The following CC2D2A variants were observed in gnomAD, a reference collection of about 807,000 sequenced individuals.
The protein encoded by CC2D2A is coiled-coil and C2 domain containing 2A.
In CC2D2A, 155 loss-of-function variants were observed where a neutral mutation model predicts 212.9. The ratio of observed to expected loss-of-function variants is 0.73; its 90% CI spans 0.64 to 0.83. CC2D2A has a LOEUF of 0.83. Among genes scored for constraint, CC2D2A ranks in the 40% least tolerant of loss-of-function variants. CC2D2A has a pLI of 0.00. For missense variants in CC2D2A, 1,856 were observed against 1,956.2 expected (o/e 0.95, Z 0.97); for synonymous variants, 667 against 686.5 (o/e 0.97, Z 0.44).
intron 33 of CC2D2A, among the ~76,000 whole-genome samples, chr4:15,593,619 G>A (rs1318411699): frequency 6.6e-6 from 1 of 152,144 alleles, no homozygotes; most frequent in African/African-American, 2.4e-5. Flanking sequence ...CCCCTTTGCA[G>A]TCTTTCCCAT....
intron 11 of CC2D2A, chr4:15,519,653 GAAGAC>G (rs1191960899): frequency 2.3e-6 from 1 of 430,426 alleles, no homozygotes; most frequent in Non-Finnish European, 4.6e-6. Context: ...AATCATGGTG[GAAGAC>G]AAGGAGGAGC....
chr4:15,505,067 TTAAA>T (rs1716181206), intron 6 of CC2D2A, among the ~76,000 whole-genome samples: 1 of 152,144 alleles, frequency 6.6e-6, no homozygotes, highest in African/African-American at 2.4e-5. Context: ...GTTTTGAGGA[TTAAA>T]TGAGTGAATA....
At chr4:15,599,470 C>T (rs971639064) in intron 35 of CC2D2A, 59 bp from the exon 36 acceptor site, 1 of 1,170,430 alleles carries the variant, frequency 8.5e-7, no homozygotes, top group South Asian at 1.6e-5. Context: ...ATACTACATA[C>T]ATTTTTTAAC....
chr4:15,518,823 G>A (rs969279966), intron 11 of CC2D2A, among the ~76,000 whole-genome samples: 1 of 152,210 alleles, frequency 6.6e-6, no homozygotes, highest in African/African-American at 2.4e-5. Flanking sequence ...CTGGGACACA[G>A]GGCATCAAGT....
chr4:15,478,425 G>T (rs979947151), intron 2 of CC2D2A, among the ~76,000 whole-genome samples: 2 of 152,216 alleles, frequency 1.3e-5, no homozygotes. Flanking sequence ...TGTCCCAAGA[G>T]CATGGAACAT....
intron 29 of CC2D2A, among the ~76,000 whole-genome samples, chr4:15,576,907 A>G (rs1326861980): frequency 1.3e-5 from 2 of 152,234 alleles, no homozygotes; most frequent in Non-Finnish European, 2.9e-5. Flanking sequence ...TTGCAAATCT[A>G]TAAAACCCAC....
chr4:15,599,794 A>T, intron 36 of CC2D2A, 88 bp downstream of exon 36: 2 of 1,013,182 alleles, frequency 2.0e-6, no homozygotes, highest in Non-Finnish European at 2.8e-6. Flanking sequence ...GAATCAAAAG[A>T]CCCACGTTGC....
At chr4:15,558,600 G>A (rs918019719) in intron 21 of CC2D2A, among the ~76,000 whole-genome samples, 1 of 151,892 alleles carries the variant, frequency 6.6e-6, no homozygotes. Flanking sequence ...GCCAGCAGAG[G>A]TGTGTCCCCC....
chr4:15,540,877 G>A lies in CC2D2A; in HGVS notation c.2044G>A (p.Val682Met). 2 of 1,599,046 alleles carry A rather than the reference G, an allele frequency of 1.3e-6. No individual in the cohort carries two copies. The highest frequency in any genetic ancestry group is 8.5e-7 in the Non-Finnish European group (1 of 1,172,602). The change falls in exon 17 of 37, where the codon GTG becomes ATG. Residue 682 changes from valine to methionine, a missense_variant. This residue lies in a region of CC2D2A where 1,512 missense variants were observed against 1,579.3 expected (regional missense o/e 0.96). Coordinates refer to ENST00000424120, the MANE Select transcript of CC2D2A (RefSeq NM_001378615.1). ...SRREDVKKRS[V>M]YLKVLFNNKE... The stretch of plus-strand genomic sequence containing the variant: ...AAGGGAGGATGTAAAGAAGCGCTCA[G>A]TGTACTTAAAAGTGCTGTTCAACAA...
At chr4:15,525,356 T>C (rs1247980611) in intron 11 of CC2D2A, among the ~76,000 whole-genome samples, 1 of 152,168 alleles carries the variant, frequency 6.6e-6, no homozygotes, top group African/African-American at 2.4e-5. Flanking sequence ...AGAGGAATTT[T>C]CCATTATGTC....
At chr4:15,540,448 T>A (rs1718368347) in intron 16 of CC2D2A, among the ~76,000 whole-genome samples, 1 of 152,238 alleles carries the variant, frequency 6.6e-6, no homozygotes, top group Non-Finnish European at 1.5e-5. Context: ...TATGCTGCTG[T>A]ATTTTTAGAA....
chr4:15,524,212 C>A (rs1186288114), intron 11 of CC2D2A, among the ~76,000 whole-genome samples: 1 of 152,110 alleles, frequency 6.6e-6, no homozygotes, highest in Non-Finnish European at 1.5e-5. Flanking sequence ...CGGCTCACTG[C>A]AACCTCCGCC....
chr4:15,595,293 A>G (rs1264136754), intron 33 of CC2D2A, among the ~76,000 whole-genome samples: 1 of 152,232 alleles, frequency 6.6e-6, no homozygotes, highest in East Asian at 1.9e-4. Flanking sequence ...GCCAGGAGCT[A>G]TGCTAGGTGC....
At chr4:15,503,951 G>A (rs925045990) in intron 6 of CC2D2A, among the ~76,000 whole-genome samples, 2 of 152,182 alleles carry the variant, frequency 1.3e-5, no homozygotes, top group African/African-American at 4.8e-5. Flanking sequence ...TCAGTGAGGG[G>A]TAAGCGCTAA....
chr4:15,523,312 T>C (rs1468262271), intron 11 of CC2D2A, among the ~76,000 whole-genome samples: 1 of 152,082 alleles, frequency 6.6e-6, no homozygotes. Flanking sequence ...AGCTTGGCCA[T>C]AGAGAGACTT....
intron 6 of CC2D2A, among the ~76,000 whole-genome samples, chr4:15,509,367 A>G (rs750922371): frequency 2.1e-4 from 31 of 149,790 alleles, no homozygotes; most frequent in Admixed American, 9.4e-4. Flanking sequence ...TCTGCCTCCC[A>G]GGTTCAAGGG....
intron 30 of CC2D2A, 104 bp downstream of exon 30, chr4:15,580,275 TATCGAG>T: frequency 1.2e-6 from 1 of 801,786 alleles, no homozygotes; most frequent in South Asian, 1.8e-5. Flanking sequence ...ATGTTAACTA[TATCGAG>T]ATCATTAATG....
At chr4:15,521,436 C>CA (rs1717195243) in intron 11 of CC2D2A, among the ~76,000 whole-genome samples, 1 of 151,644 alleles carries the variant, frequency 6.6e-6, no homozygotes, top group South Asian at 2.1e-4. Flanking sequence ...TGTCTCTTGC[C>CA]AAAAATAGCT....
At chr4:15,488,587 T>C (rs1225768510) in intron 4 of CC2D2A, among the ~76,000 whole-genome samples, 1 of 152,240 alleles carries the variant, frequency 6.6e-6, no homozygotes. Flanking sequence ...TTTGACATTC[T>C]TGTACCTGCT....
Sources: allele counts gnomAD v4.1 joint callset (sites outside exome capture counted in the v4.1 genomes callset), GRCh38; gene constraint gnomAD v4.1.1; regional missense constraint gnomAD v4.1.1; transcripts MANE v1.5; gene names NCBI Gene and HGNC (gene_info 2026-07-23, HGNC 2026-07-21).